The following AKAP6 variants were observed in gnomAD, a reference collection of about 807,000 sequenced individuals.
AKAP6 encodes A-kinase anchoring protein 6.
In AKAP6, 58 loss-of-function variants were observed where a neutral mutation model predicts 188.5. That is an observed-to-expected ratio of 0.31 (90% CI 0.25 to 0.38). AKAP6 has a LOEUF of 0.38. Ranked by LOEUF, AKAP6 falls within the 10% of genes least tolerant of loss-of-function variation. The probability of loss-of-function intolerance (pLI) is 1.00; values close to 1 mark genes in which losing one functional copy is unlikely to be tolerated. For synonymous variants in AKAP6, 989 were observed against 998.6 expected (o/e 0.99, Z 0.18); for missense variants, 2,710 against 2,740.0 (o/e 0.99, Z 0.24).
intron 12 of AKAP6, among the ~76,000 whole-genome samples, chr14:32,794,191 A>G (rs1043619322): frequency 2.6e-5 from 4 of 152,196 alleles, no homozygotes; most frequent in African/African-American, 9.7e-5. Context: ...AAATTCACTC[A>G]AAATCACACA....
At chr14:32,827,955 T>A (rs1052418256) in intron 13 of AKAP6, among the ~76,000 whole-genome samples, 3 of 152,164 alleles carry the variant, frequency 2.0e-5, no homozygotes, top group African/African-American at 7.2e-5. Flanking sequence ...TGGGGTTTTG[T>A]TTTACTATGT....
At chr14:32,706,555 G>C (rs1227434486) in intron 9 of AKAP6, among the ~76,000 whole-genome samples, 1 of 152,158 alleles carries the variant, frequency 6.6e-6, no homozygotes, top group African/African-American at 2.4e-5. Flanking sequence ...TCCCCATGGA[G>C]AGATGCTCTA....
intron 11 of AKAP6, among the ~76,000 whole-genome samples, chr14:32,740,570 T>A (rs1278038410): frequency 6.6e-6 from 1 of 152,022 alleles, no homozygotes; most frequent in Non-Finnish European, 1.5e-5. Flanking sequence ...GGTAGGGGTC[T>A]AGTTTCATCT....
intron 7 of AKAP6, among the ~76,000 whole-genome samples, chr14:32,611,898 A>G (rs925282550): frequency 6.6e-6 from 1 of 152,204 alleles, no homozygotes; most frequent in Non-Finnish European, 1.5e-5. Context: ...GAATCAGTGG[A>G]TCTGTGATTT....
At chr14:32,452,000 C>G (rs375192138) in intron 2 of AKAP6, among the ~76,000 whole-genome samples, 1 of 119,858 alleles carries the variant, frequency 8.3e-6, no homozygotes, top group African/African-American at 3.1e-5. Context: ...TTTTCTTTTT[C>G]TTTTCTTTAC....
chr14:32,592,884 T>G (rs2139325047), intron 5 of AKAP6, among the ~76,000 whole-genome samples: 1 of 152,220 alleles, frequency 6.6e-6, no homozygotes, highest in South Asian at 2.1e-4. Context: ...GGAGCCAGGA[T>G]TTGAACACAG....
intron 7 of AKAP6, among the ~76,000 whole-genome samples, chr14:32,630,862 C>T (rs1371330752): frequency 6.6e-6 from 1 of 152,046 alleles, no homozygotes; most frequent in Non-Finnish European, 1.5e-5. Flanking sequence ...TCACAACTAT[C>T]TTACCACCAA....
intron 1 of AKAP6, among the ~76,000 whole-genome samples, chr14:32,404,855 G>A (rs753797843): frequency 6.6e-6 from 1 of 150,934 alleles, no homozygotes; most frequent in Non-Finnish European, 1.5e-5. Flanking sequence ...AGTAAGGTGA[G>A]GGCAGTGTCT....
chr14:32,484,434 C>T lies in AKAP6; in HGVS notation c.324+50617C>T, dbSNP rs1879547007. ...GGAGGGTAGACTGTCCAACCTGTTC[C>T]GGCGCCGGCTTCCACTATGGCAGAT... On this transcript the variant is annotated intron_variant, in intron 2 of 13. Transcript: ENST00000280979. 5 of 163,152 alleles carry T rather than the reference C, an allele frequency of 3.1e-5. 2 individuals carry two copies. The highest frequency in any genetic ancestry group is 2.7e-5 in the Non-Finnish European group (3 of 112,544). 10.1% of individuals were successfully genotyped at this position (163,152 alleles called of 1,614,324 possible). A position where few individuals can be genotyped will look rare whatever the true frequency, so the allele number is the denominator to read the frequency against.
intron 12 of AKAP6, among the ~76,000 whole-genome samples, chr14:32,803,607 A>G (rs2034012432): frequency 6.6e-6 from 1 of 151,986 alleles, no homozygotes; most frequent in Non-Finnish European, 1.5e-5. Context: ...TAGAAGTCTG[A>G]TTACTTTTGT....
At chr14:32,731,456 C>G (rs555087213) in intron 9 of AKAP6, among the ~76,000 whole-genome samples, 1 of 152,054 alleles carries the variant, frequency 6.6e-6, no homozygotes. Flanking sequence ...AGGTGCTTAT[C>G]TTAGGGCACC....
At chr14:32,486,131 TGTG>T in intron 2 of AKAP6, among the ~76,000 whole-genome samples, 1 of 152,220 alleles carries the variant, frequency 6.6e-6, no homozygotes, top group African/African-American at 2.4e-5. Flanking sequence ...TGGTCGTAGA[TGTG>T]GTGTTATTTC....
chr14:32,393,627 T>G (rs1008824902), intron 1 of AKAP6, among the ~76,000 whole-genome samples: 1 of 152,184 alleles, frequency 6.6e-6, no homozygotes, highest in Non-Finnish European at 1.5e-5. Flanking sequence ...AAGAGTTTAC[T>G]GGACTTTCTT....
At chr14:32,453,836 C>G (rs1235557889) in intron 2 of AKAP6, among the ~76,000 whole-genome samples, 1 of 151,772 alleles carries the variant, frequency 6.6e-6, no homozygotes, top group African/African-American at 2.4e-5. Context: ...CCGCCCGCCT[C>G]GGCCTCCCAA....
chr14:32,593,898 G>A (rs1885584505), intron 5 of AKAP6, among the ~76,000 whole-genome samples: 1 of 152,152 alleles, frequency 6.6e-6, no homozygotes, highest in Non-Finnish European at 1.5e-5. Context: ...CTGGGTAGAA[G>A]CACACAGCAA....
intron 2 of AKAP6, among the ~76,000 whole-genome samples, chr14:32,489,524 TA>T (rs1879886888): frequency 6.6e-6 from 1 of 152,214 alleles, no homozygotes; most frequent in Non-Finnish European, 1.5e-5. Flanking sequence ...CTCTTGTTTT[TA>T]AATTGCTACA....
At chr14:32,637,579 T>C (rs1421120772) in intron 7 of AKAP6, among the ~76,000 whole-genome samples, 1 of 151,924 alleles carries the variant, frequency 6.6e-6, no homozygotes, top group African/African-American at 2.4e-5. Flanking sequence ...AGTCCAGAAG[T>C]AGTGACAAGG....
At chr14:32,792,229 G>T (rs902520493) in intron 12 of AKAP6, among the ~76,000 whole-genome samples, 1 of 152,100 alleles carries the variant, frequency 6.6e-6, no homozygotes, top group Admixed American at 6.6e-5. Flanking sequence ...CCATTTTCAT[G>T]ATATTGATTC....
intron 1 of AKAP6, among the ~76,000 whole-genome samples, chr14:32,395,051 G>A (rs1294602301): frequency 6.7e-5 from 10 of 150,014 alleles, no homozygotes; most frequent in Admixed American, 5.9e-4. Flanking sequence ...GTAATATGGC[G>A]TTATCCCAAA....
Sources: gnomAD v4.1 joint callset for allele counts (sites outside exome capture counted in the v4.1 genomes callset) on GRCh38, gnomAD v4.1.1 for gene constraint, MANE v1.5 for transcripts, NCBI Gene and HGNC (gene_info 2026-07-23, HGNC 2026-07-21) for gene names.